The following C10orf67 variants were observed in gnomAD, a reference collection of about 807,000 sequenced individuals.
C10orf67 encodes the protein chromosome 10 open reading frame 67.
Under a neutral mutation model 35.6 loss-of-function variants are expected in C10orf67, and 60 were observed. The observed-to-expected ratio is 1.68, with a 90% CI of 1.37 to 2.09. The LOEUF (loss-of-function observed/expected upper bound fraction) is 2.09. Among genes scored for constraint, C10orf67 ranks in the 30% most tolerant of loss-of-function variants. The pLI is 0.00. For synonymous variants in C10orf67, 167 were observed against 115.8 expected, an observed-to-expected ratio of 1.44 and a Z score of -2.84; for missense variants, 474 against 330.2, an observed-to-expected ratio of 1.44 and a Z score of -3.38.
At chr10:23,202,640 A>G (rs771577367), downstream of C10orf67, 5 of 152,188 alleles carry the variant, frequency 3.3e-5, no homozygotes, top group African/African-American at 7.2e-5. Flanking sequence ...GTGGTTTGCA[A>G]TTTCTCCCAA....
chr10:23,302,040 G>A lies in C10orf67; in HGVS notation c.702+1264C>T, dbSNP rs929413581. Among the ~76,000 whole-genome samples, 17 of 152,018 alleles carry A rather than the reference G, an allele frequency of 1.1e-4. No homozygotes were observed. The East Asian group carries it at 1.7e-3, about 16-fold the overall frequency. ...CAAACAGCAGAGGTGGACGGTGAGC[G>A]AAAGCTCAGCTCAAGCCGTAACAAA... On this transcript the variant is annotated intron_variant, in intron 5 of 15. Coordinates refer to ENST00000636213, the MANE Select transcript of C10orf67 (RefSeq NM_001371909.1).
chr10:23,344,034 C>G (rs572183373), intron 1 of C10orf67: 4 of 386,654 alleles, frequency 1.0e-5, no homozygotes, highest in African/African-American at 8.7e-5. Context: ...CGCGGAGCCG[C>G]TCGCTCTCCT....
chr10:23,204,983 G>C (rs1457954224), intron 15 of C10orf67, among the ~76,000 whole-genome samples: 1 of 152,178 alleles, frequency 6.6e-6, no homozygotes, highest in East Asian at 1.9e-4. Flanking sequence ...TGCAGCCTGC[G>C]GTCACCGGTA....
chr10:23,339,366 C>T (rs1164353102), intron 1 of C10orf67, among the ~76,000 whole-genome samples: 3 of 136,976 alleles, frequency 2.2e-5, no homozygotes, highest in South Asian at 2.3e-4. Flanking sequence ...TTAGTGTTTC[C>T]GTGCCCAGTA....
chr10:23,267,115 A>G, intron 9 of C10orf67, 80 bp downstream of exon 9: 2 of 667,768 alleles, frequency 3.0e-6, no homozygotes, highest in Non-Finnish European at 5.4e-6. Flanking sequence ...TATGCTACAC[A>G]GATTTGTCAA....
intron 15 of C10orf67, among the ~76,000 whole-genome samples, chr10:23,218,527 A>G (rs1166110939): frequency 1.3e-5 from 2 of 152,100 alleles, no homozygotes; most frequent in African/African-American, 2.4e-5. Context: ...TAAATGTATA[A>G]AAAGCAAGGG....
At position 23,344,371 on chromosome 10, in the gene C10orf67, G is replaced by A. The variant is rs1014690105; in HGVS notation, c.206+198C>T. The A allele has an allele frequency of 5.0e-6, 3 of 605,692 alleles. No individual in the cohort carries two copies. In the African/African-American group the frequency reaches 5.6e-5, roughly 11 times the overall value. 37.5% of individuals were successfully genotyped at this position (605,692 alleles called of 1,614,324 possible). ...GAGTGGAGAGGGGGAGGAGGAGGCG[G>A]GGCGGGCTCCCAAGCCACCCCGCTG... On this transcript the variant is annotated intron_variant, in intron 1 of 15. Coordinates refer to ENST00000636213, the MANE Select transcript of C10orf67 (RefSeq NM_001371909.1).
chr10:23,320,657 G>A (rs753052304), intron 4 of C10orf67, 84 bp downstream of exon 4: 43 of 1,052,312 alleles, frequency 4.1e-5, no homozygotes, highest in Non-Finnish European at 3.5e-5. Flanking sequence ...CACAGACTGG[G>A]AAGCCAAGGT....
intron 8 of C10orf67, among the ~76,000 whole-genome samples, chr10:23,277,081 G>A (rs1052818858): frequency 6.6e-6 from 1 of 152,042 alleles, no homozygotes; most frequent in African/African-American, 2.4e-5. Flanking sequence ...GGTTCTGTGA[G>A]GCCTAAATTA....
In C10orf67 at chr10:23,204,210, G is replaced by A. The variant is rs772990477; in HGVS notation, c.1616C>T (p.Ser539Phe). 29 of 651,922 alleles carry A rather than the reference G, an allele frequency of 4.4e-5. No homozygotes were observed. The highest frequency in any genetic ancestry group is 3.0e-4 in the Admixed American group (13 of 43,784). 40.4% of individuals were successfully genotyped at this position (651,922 alleles called of 1,614,324 possible). ...SPKEESLEEPSMRQSSPAETV... is the reference protein window; with the variant it reads ...SPKEESLEEPFMRQSSPAETV... ...CTCTGCGGGGCTGCTCTGGCGCATG[G>A]AGGGCTCCTCCAAGGACTCTTCTTT... The change falls in exon 16 of 16, where the codon TCC becomes TTC. Residue 539 changes from serine to phenylalanine, a missense_variant. Physicochemically the swap from Ser to Phe is radical, Grantham distance 155. Coordinates refer to ENST00000636213, the MANE Select transcript of C10orf67 (RefSeq NM_001371909.1).
At chr10:23,295,445 T>C (rs559380934) in intron 5 of C10orf67, among the ~76,000 whole-genome samples, 75 of 152,352 alleles carry the variant, frequency 4.9e-4, no homozygotes, top group African/African-American at 1.8e-3. Context: ...GAGGTCTGTT[T>C]GGTACATTTT....
At chr10:23,229,617 A>T (rs185816224) in intron 13 of C10orf67, among the ~76,000 whole-genome samples, 3 of 152,232 alleles carry the variant, frequency 2.0e-5, no homozygotes, top group Admixed American at 2.0e-4. Flanking sequence ...CATAATGGTA[A>T]AATGTTCAAT....
In C10orf67 at chr10:23,344,653, T is replaced by C; in HGVS notation, c.122A>G (p.Lys41Arg). 1 of 1,580,944 alleles carries C rather than the reference T, an allele frequency of 6.3e-7. No individual in the cohort carries two copies. Among genetic ancestry groups the C allele is most frequent in the Non-Finnish European group, 8.6e-7 (1 of 1,163,964 alleles). ...FGTRWEAMKAKATELRVCCAR... is the reference protein window; with the variant it reads ...FGTRWEAMKARATELRVCCAR... ...GCAGCAGACCCGCAGCTCGGTGGCC[T>C]TGGCTTTCATGGCCTCCCAGCGTGT... The change falls in exon 1 of 16, where the codon AAG becomes AGG. Residue 41 changes from lysine (K) to arginine (R), a missense_variant. Coordinates refer to ENST00000636213, the MANE Select transcript of C10orf67 (RefSeq NM_001371909.1).
intron 10 of C10orf67, among the ~76,000 whole-genome samples, chr10:23,265,097 G>A (rs1842852205): frequency 6.6e-6 from 1 of 152,210 alleles, no homozygotes; most frequent in Non-Finnish European, 1.5e-5. Flanking sequence ...AAATTATACT[G>A]ATTTCCAGTT....
chr10:23,283,875 G>A (rs889993058), intron 7 of C10orf67, among the ~76,000 whole-genome samples: 2 of 151,848 alleles, frequency 1.3e-5, no homozygotes, highest in African/African-American at 2.4e-5. Context: ...TATCACACCT[G>A]TACTGTGCTC....
At chr10:23,233,541 A>G (rs1841966867) in intron 13 of C10orf67, among the ~76,000 whole-genome samples, 1 of 152,228 alleles carries the variant, frequency 6.6e-6, no homozygotes, top group Non-Finnish European at 1.5e-5. Flanking sequence ...AAACATATAA[A>G]TGTAAGTATA....
chr10:23,319,942 G>T (rs1437389200), intron 4 of C10orf67, among the ~76,000 whole-genome samples: 1 of 152,190 alleles, frequency 6.6e-6, no homozygotes. Flanking sequence ...TGGAGAGAAT[G>T]ACATTTGAGT....
chr10:23,265,305 T>A (rs1026868595), intron 10 of C10orf67, among the ~76,000 whole-genome samples: 1 of 152,234 alleles, frequency 6.6e-6, no homozygotes, highest in Non-Finnish European at 1.5e-5. Flanking sequence ...TCCCCCTTTT[T>A]GGAGCAAGGA....
intron 13 of C10orf67, among the ~76,000 whole-genome samples, chr10:23,228,446 G>C (rs923259102): frequency 6.6e-6 from 1 of 152,068 alleles, no homozygotes; most frequent in South Asian, 2.1e-4. Flanking sequence ...ATTCAAGATG[G>C]ATTAAAGATT....
Sources: allele counts gnomAD v4.1 joint callset (sites outside exome capture counted in the v4.1 genomes callset), GRCh38; gene constraint gnomAD v4.1.1; transcripts MANE v1.5; gene names NCBI Gene and HGNC (gene_info 2026-07-23, HGNC 2026-07-21).